TGFBR1: variants seen among roughly 807,000 people sequenced by gnomAD.
TGFBR1 encodes the protein TGF-beta receptor type-1.
In TGFBR1, 20 loss-of-function variants were observed where a neutral mutation model predicts 55.1. The ratio of observed to expected loss-of-function variants is 0.36; its 90% confidence interval spans 0.26 to 0.53. The LOEUF is 0.53. Among genes scored for constraint, TGFBR1 ranks in the 20% least tolerant of loss-of-function variants. TGFBR1 has a pLI of 0.91. For synonymous variants in TGFBR1, 220 were observed against 214.8 expected (o/e 1.02, Z -0.21); for missense variants, 385 against 617.6 (o/e 0.62, Z 3.99).
rs535462708 is a variant in TGFBR1 at position 99,142,207 on chromosome 9, G to A, written c.806-329G>A. Among the ~76,000 whole-genome samples the A allele has an allele frequency of 1.5e-4, 23 of 151,840 alleles. No homozygotes were observed. The East Asian group carries it at 1.5e-3, about 10-fold the overall frequency. On this transcript the variant is annotated intron_variant, in intron 4 of 8. Coordinates refer to ENST00000374994, the MANE Select transcript of TGFBR1 (RefSeq NM_004612.4). ...GGAACAGCCACTGAGCACCCAACCC[G>A]ACCCAGAGATTTTTCTAGGCACTTA...
At chr9:99,144,968 T>G (rs919912087) in intron 6 of TGFBR1, 80 bp downstream of exon 6, 1 of 1,504,714 alleles carries the variant, frequency 6.6e-7, no homozygotes. Flanking sequence ...ATATCATTGC[T>G]GAAACTCAGC....
At chr9:99,121,848 G>A (rs1826907035) in intron 1 of TGFBR1, among the ~76,000 whole-genome samples, 1 of 152,110 alleles carries the variant, frequency 6.6e-6, no homozygotes, top group Non-Finnish European at 1.5e-5. Context: ...ACAACACTCT[G>A]CTTGACTTTG....
chr9:99,145,189 G>A (rs976054930), intron 6 of TGFBR1, among the ~76,000 whole-genome samples: 7 of 152,168 alleles, frequency 4.6e-5, no homozygotes, highest in East Asian at 3.9e-4. Flanking sequence ...GGTCTTTTAC[G>A]TATATTACCT....
intron 1 of TGFBR1, among the ~76,000 whole-genome samples, chr9:99,112,121 A>T (rs6478974): frequency 0.63 from 95,375 of 152,052 alleles, 31,338 homozygotes; most frequent in African/African-American, 0.83. Context: ...GAAAATCAGG[A>T]GAGTGGTTTT....
chr9:99,127,515 T>A (rs1827075255), intron 1 of TGFBR1, among the ~76,000 whole-genome samples: 1 of 152,182 alleles, frequency 6.6e-6, no homozygotes, highest in Non-Finnish European at 1.5e-5. Flanking sequence ...TTCCAAAGGT[T>A]CAGAGCTCAT....
rs755731287 is a variant in TGFBR1 at position 99,152,595 on chromosome 9, G to A, written c.*3290G>A. On this transcript the variant is annotated 3_prime_UTR_variant, in exon 9 of 9. Transcript: ENST00000374994. ...ATTAAAACAAGATGGCAAAGAGATC[G>A]TTAGAGTGCACAACAAAATCACTAT... 5 of 228,426 alleles carry A rather than the reference G, an allele frequency of 2.2e-5. No homozygotes were observed. The highest frequency in any genetic ancestry group is 1.8e-4 in the South Asian group (1 of 5,474). The allele number at this position is 228,426 out of a possible 1,614,324, so 14.1% of individuals were successfully genotyped here.
chr9:99,117,213 G>A (rs994368512), intron 1 of TGFBR1, among the ~76,000 whole-genome samples: 24 of 145,224 alleles, frequency 1.7e-4, no homozygotes, highest in African/African-American at 5.0e-4. Flanking sequence ...TCAGCCTCCC[G>A]TGTAGCTGGG....
intron 1 of TGFBR1, among the ~76,000 whole-genome samples, chr9:99,126,805 G>A (rs577860961): frequency 3.3e-5 from 5 of 152,130 alleles, no homozygotes; most frequent in African/African-American, 1.2e-4. Flanking sequence ...TATTACGATT[G>A]TGTCTCTTTC....
intron 3 of TGFBR1, among the ~76,000 whole-genome samples, chr9:99,133,739 G>C (rs1028449751): frequency 6.6e-6 from 1 of 152,160 alleles, no homozygotes; most frequent in Non-Finnish European, 1.5e-5. Context: ...TGAAAAGTAT[G>C]AGTCATCTTC....
At chr9:99,134,831 TATATATATATATA>T (rs1827379111) in intron 3 of TGFBR1, among the ~76,000 whole-genome samples, 1 of 113,784 alleles carries the variant, frequency 8.8e-6, no homozygotes, top group Non-Finnish European at 1.9e-5. Flanking sequence ...TATATATATA[TATATATATATATA>T]TATATATATT....
Position 99,129,076 on chromosome 9 carries a change from A to G in TGFBR1, c.319A>G (p.Asn107Asp). Residue 107 changes from asparagine (N) to aspartate (D), a missense_variant, in exon 2 of 9, where the codon AAT becomes GAT. This residue lies in a region of TGFBR1 where 146 missense variants were observed against 167.7 expected (regional missense o/e 0.87). Transcript: ENST00000374994. ...TTYCCNQDHC[N>D]KIELPTTVKS... is the part of the protein sequence containing the mutation. The stretch of plus-strand genomic sequence containing the variant: ...ATATTGCTGCAATCAGGACCATTGC[A>G]ATAAAATAGAACTTCCAACTACTGG... 1 of 1,613,982 alleles carries G rather than the reference A, an allele frequency of 6.2e-7. No individual in the cohort carries two copies. The highest frequency in any genetic ancestry group is 8.5e-7 in the Non-Finnish European group (1 of 1,179,910).
chr9:99,116,752 G>A (rs1372174157), intron 1 of TGFBR1, among the ~76,000 whole-genome samples: 1 of 152,066 alleles, frequency 6.6e-6, no homozygotes, highest in African/African-American at 2.4e-5. Flanking sequence ...CTAATGCCAA[G>A]TCTCGGCATG....
In TGFBR1 at chr9:99,149,360, A is replaced by G. The variant is rs865896114; in HGVS notation, c.*55A>G. 1.2e-6 allele frequency: 2 copies of G among 1,609,428 alleles called. No individual in the cohort carries two copies. The highest frequency in any genetic ancestry group is 3.3e-4 in the Middle Eastern group (2 of 6,044). ...TTCTTCAGATCTGCTCCTGGGTTTTAATTTGGGAGGTCAATTGTTCTACCT... is the reference window on the plus strand; with the variant it reads ...TTCTTCAGATCTGCTCCTGGGTTTTGATTTGGGAGGTCAATTGTTCTACCT... On this transcript the variant is annotated 3_prime_UTR_variant, in exon 9 of 9. Transcript: ENST00000374994.
intron 3 of TGFBR1, among the ~76,000 whole-genome samples, chr9:99,134,798 TC>T (rs1397041509): frequency 3.1e-5 from 3 of 95,464 alleles, no homozygotes; most frequent in African/African-American, 7.9e-5. Flanking sequence ...TAATTCTGTT[TC>T]CATTATATAT....
intron 1 of TGFBR1, among the ~76,000 whole-genome samples, chr9:99,120,396 C>T (rs1024236504): frequency 3.3e-5 from 5 of 152,132 alleles, no homozygotes; most frequent in Non-Finnish European, 7.4e-5. Flanking sequence ...TTCTCCATTT[C>T]TTTTCAGGGC....
intron 6 of TGFBR1, 49 bp downstream of exon 6, chr9:99,144,937 T>TC (rs2118808308): frequency 6.3e-7 from 1 of 1,597,530 alleles, no homozygotes; most frequent in East Asian, 2.2e-5. Context: ...TCACCTTTTT[T>TC]CCCTTCTCTT....
Position 99,134,802 on chromosome 9 carries a change from TTATATATATATATATATATATA to T in TGFBR1, c.574+2093_574+2114del, listed in dbSNP as rs10625219. On this transcript the variant is annotated intron_variant, in intron 3 of 8. Transcript: ENST00000374994. ...AAACAATGGAATAATTCTGTTTCCA[TTATATATATATATATATATATA>T]TATATATATATATATATATATATAT... 4.5e-3 allele frequency among the ~76,000 whole-genome samples: 185 copies of T among 41,370 alleles called. 1 individual carries two copies. Among genetic ancestry groups the T allele is most frequent in the South Asian group, 8.3e-3 (10 of 1,200 alleles). The allele number at this position is 41,370 out of a possible 152,430, so 27.1% of individuals were successfully genotyped here.
intron 2 of TGFBR1, 30 bp from the exon 3 acceptor site, chr9:99,132,479 A>G (rs1827265243): frequency 1.2e-6 from 2 of 1,612,698 alleles, no homozygotes; most frequent in Non-Finnish European, 1.7e-6. Flanking sequence ...GTCGTTGTTG[A>G]TGTTTATTTC....
At chr9:99,104,599 T>C (rs932003626), upstream of TGFBR1, among the ~76,000 whole-genome samples, 1 of 151,454 alleles carries the variant, frequency 6.6e-6, no homozygotes, top group African/African-American at 2.4e-5. Context: ...AGAGGGGAAG[T>C]TGAAGTGGAT....
Sources: allele counts gnomAD v4.1 joint callset (sites outside exome capture counted in the v4.1 genomes callset), GRCh38; gene constraint gnomAD v4.1.1; regional missense constraint gnomAD v4.1.1; transcripts MANE v1.5; gene names NCBI Gene and HGNC (gene_info 2026-07-23, HGNC 2026-07-21).